Variants in CDH12 observed in about 807,000 individuals in gnomAD.
CDH12 encodes cadherin 12.
In CDH12, 41 loss-of-function variants were observed where a neutral mutation model predicts 74.1. The ratio of observed to expected loss-of-function variants is 0.55; its 90% CI spans 0.43 to 0.72. The LOEUF (loss-of-function observed/expected upper bound fraction) is 0.72, where lower values mean the gene tolerates loss of function less well. Ranked by LOEUF, CDH12 falls within the 30% of genes least tolerant of loss-of-function variation. The pLI, the probability that CDH12 is intolerant of heterozygous loss-of-function variation, is 0.00. For synonymous variants in CDH12, 399 were observed against 355.0 expected, an observed-to-expected ratio of 1.12 and a Z score of -1.39; for missense variants, 945 against 977.2, an observed-to-expected ratio of 0.97 and a Z score of 0.44.
At chr5:22,750,859 A>G (rs1020333017) in intron 1 of CDH12, among the ~76,000 whole-genome samples, 4 of 152,036 alleles carry the variant, frequency 2.6e-5, no homozygotes, top group African/African-American at 9.7e-5. Flanking sequence ...TCCCAACTCA[A>G]CATACACATT....
chr5:22,569,456 G>T (rs767665111), intron 1 of CDH12, among the ~76,000 whole-genome samples: 3 of 152,132 alleles, frequency 2.0e-5, no homozygotes, highest in Non-Finnish European at 4.4e-5. Flanking sequence ...TGTACAGCCT[G>T]CAGAACCATG....
intron 1 of CDH12, among the ~76,000 whole-genome samples, chr5:22,678,974 A>C (rs1482345291): frequency 6.6e-5 from 10 of 152,110 alleles, no homozygotes; most frequent in Non-Finnish European, 1.2e-4. Flanking sequence ...TAAGAAATCG[A>C]TATGTTCCTG....
At chr5:22,346,110 A>C (rs2150459795) in intron 3 of CDH12, among the ~76,000 whole-genome samples, 1 of 151,650 alleles carries the variant, frequency 6.6e-6, no homozygotes, top group South Asian at 2.1e-4. Context: ...CATCTCAAAA[A>C]AAAAAAAAAA....
intron 3 of CDH12, among the ~76,000 whole-genome samples, chr5:22,364,053 C>T (rs542331972): frequency 1.3e-5 from 2 of 152,122 alleles, no homozygotes; most frequent in African/African-American, 2.4e-5. Flanking sequence ...TCTGCAGTAA[C>T]GCAGGTGTTG....
intron 3 of CDH12, among the ~76,000 whole-genome samples, chr5:22,341,221 G>C (rs1165323545): frequency 6.6e-6 from 1 of 152,164 alleles, no homozygotes; most frequent in East Asian, 1.9e-4. Context: ...GTCAGGCCAG[G>C]TGCAGTACCT....
At chr5:22,423,861 G>T (rs1361860143) in intron 2 of CDH12, among the ~76,000 whole-genome samples, 11 of 151,642 alleles carry the variant, frequency 7.3e-5, no homozygotes, top group African/African-American at 2.4e-4. Context: ...AAATTAGCCG[G>T]GCGTGTTGGC....
intron 5 of CDH12, among the ~76,000 whole-genome samples, chr5:21,989,582 C>T (rs1257094538): frequency 6.6e-6 from 1 of 151,984 alleles, no homozygotes; most frequent in Non-Finnish European, 1.5e-5. Flanking sequence ...CATTGCCTCT[C>T]CCTGAGTTTA....
At chr5:21,855,121 T>C (rs1300291440) in intron 6 of CDH12, among the ~76,000 whole-genome samples, 3 of 151,752 alleles carry the variant, frequency 2.0e-5, no homozygotes, top group Non-Finnish European at 4.4e-5. Context: ...CTGCTTACTA[T>C]TGATGTTTTA....
chr5:22,706,800 T>C (rs527826586), intron 1 of CDH12, among the ~76,000 whole-genome samples: 3 of 152,310 alleles, frequency 2.0e-5, no homozygotes, highest in South Asian at 2.1e-4. Flanking sequence ...TTCATAGATA[T>C]CTAAGCCAGT....
chr5:22,330,424 G>A (rs1426072587), intron 3 of CDH12, among the ~76,000 whole-genome samples: 1 of 152,024 alleles, frequency 6.6e-6, no homozygotes, highest in South Asian at 2.1e-4. Flanking sequence ...AACATTCCCA[G>A]CTGTGGAGGA....
intron 5 of CDH12, among the ~76,000 whole-genome samples, chr5:21,993,369 G>A (rs112965119): frequency 6.6e-6 from 1 of 152,132 alleles, no homozygotes; most frequent in Non-Finnish European, 1.5e-5. Flanking sequence ...CTTATGCTAT[G>A]TCATATGACA....
At chr5:21,791,833 G>C (rs1042873696) in intron 10 of CDH12, among the ~76,000 whole-genome samples, 5 of 151,674 alleles carry the variant, frequency 3.3e-5, no homozygotes, top group African/African-American at 1.2e-4. Context: ...TATTTATTAG[G>C]TAAGCATTTC....
intron 1 of CDH12, among the ~76,000 whole-genome samples, chr5:22,849,258 A>C (rs373055118): frequency 6.6e-6 from 1 of 152,158 alleles, no homozygotes; most frequent in East Asian, 1.9e-4. Flanking sequence ...CAAATTGCTC[A>C]TGTAATAATC....
intron 1 of CDH12, among the ~76,000 whole-genome samples, chr5:22,524,481 G>T (rs1737184527): frequency 6.6e-6 from 1 of 152,074 alleles, no homozygotes; most frequent in Admixed American, 6.5e-5. Flanking sequence ...TTTTAAAACG[G>T]CCAAGCACTG....
At chr5:21,895,352 C>G (rs895683976) in intron 6 of CDH12, among the ~76,000 whole-genome samples, 4 of 152,138 alleles carry the variant, frequency 2.6e-5, no homozygotes, top group African/African-American at 9.7e-5. Context: ...TGGGAAGATA[C>G]AAACAAAACT....
chr5:22,705,293 T>G (rs1033622297), intron 1 of CDH12, among the ~76,000 whole-genome samples: 5 of 151,892 alleles, frequency 3.3e-5, no homozygotes, highest in African/African-American at 4.8e-5. Flanking sequence ...ACAGAGTCAA[T>G]GAATGGTTAA....
chr5:22,399,785 G>T (rs542793592), intron 3 of CDH12, among the ~76,000 whole-genome samples: 1 of 151,670 alleles, frequency 6.6e-6, no homozygotes, highest in South Asian at 2.1e-4. Context: ...CAGTACAATT[G>T]TATGGTAAAT....
At chr5:21,796,349 T>C (rs1178416303) in intron 10 of CDH12, among the ~76,000 whole-genome samples, 1 of 149,768 alleles carries the variant, frequency 6.7e-6, no homozygotes, top group East Asian at 2.0e-4. Flanking sequence ...AAGAGTTGAA[T>C]ATCTTATGTA....
intron 1 of CDH12, among the ~76,000 whole-genome samples, chr5:22,699,894 G>T (rs1262792875): frequency 1.3e-5 from 2 of 152,126 alleles, no homozygotes; most frequent in Non-Finnish European, 2.9e-5. Context: ...TGCATCCACA[G>T]CCAGGAACGA....
Sources: allele counts gnomAD v4.1 joint callset (sites outside exome capture counted in the v4.1 genomes callset), GRCh38; gene constraint gnomAD v4.1.1; transcripts MANE v1.5; gene names NCBI Gene and HGNC (gene_info 2026-07-23, HGNC 2026-07-21).